STARD6: variants seen among roughly 807,000 people sequenced by gnomAD.
STARD6 encodes the protein stAR-related lipid transfer protein 6.
A neutral mutation model predicts 22.3 loss-of-function variants in STARD6; 21 were observed. That is an observed-to-expected ratio of 0.94 (90% CI 0.67 to 1.35). STARD6 has a LOEUF of 1.35. STARD6 is among the 40% of genes most tolerant of loss of function. STARD6 has a pLI of 0.00. For synonymous variants in STARD6, 80 were observed against 88.1 expected (o/e 0.91, Z 0.52); for missense variants, 269 against 266.9 (o/e 1.01, Z -0.05).
At chr18:54,339,979 A>T (rs781060327) in intron 4 of STARD6, among the ~76,000 whole-genome samples, 4 of 152,000 alleles carry the variant, frequency 2.6e-5, no homozygotes, top group East Asian at 1.9e-4. Flanking sequence ...ATATGTGAAT[A>T]AAAAAAATAA....
At chr18:54,338,540 G>T (rs76041866) in intron 4 of STARD6, among the ~76,000 whole-genome samples, 3,132 of 152,000 alleles carry the variant, frequency 0.021, 114 homozygotes, top group African/African-American at 0.072. Flanking sequence ...CCAAACAGAT[G>T]AACAAATGAC....
chr18:54,351,592 T>A (rs905952728), intron 4 of STARD6, among the ~76,000 whole-genome samples: 6 of 152,228 alleles, frequency 3.9e-5, no homozygotes, highest in African/African-American at 1.4e-4. Context: ...TTGTTATAGA[T>A]GGCTTTTACT....
chr18:54,351,899 GTTT>G (rs60888927), intron 4 of STARD6, among the ~76,000 whole-genome samples: 14,456 of 70,536 alleles, frequency 0.2, 976 homozygotes, highest in Middle Eastern at 0.29. Flanking sequence ...ATATTGGTCC[GTTT>G]TTTTTTTTTT....
intron 6 of STARD6, 52 bp from the exon 7 acceptor site, chr18:54,329,492 T>G (rs776848535): frequency 7.3e-7 from 1 of 1,379,222 alleles, no homozygotes; most frequent in Non-Finnish European, 1.0e-6. Context: ...GAGGAAAAAC[T>G]ATTTCCAGCA....
In STARD6 at chr18:54,337,276, T is replaced by C. The variant is rs761676641; in HGVS notation, c.141-25A>G. 6 of 1,600,620 alleles carry C rather than the reference T, an allele frequency of 3.7e-6. No individual in the cohort carries two copies. The Admixed American group carries it at 1.1e-4, about 28-fold the overall frequency. ...TCTACAGTTAACAAAATAAAGAAAATTCAAAGCTTAAAAAGTTTAGTCTAA... is the reference window on the plus strand; with the variant it reads ...TCTACAGTTAACAAAATAAAGAAAACTCAAAGCTTAAAAAGTTTAGTCTAA... On this transcript the variant is annotated intron_variant, in intron 4 of 7. Coordinates refer to ENST00000307844, the MANE Select transcript of STARD6 (RefSeq NM_139171.2).
intron 5 of STARD6, among the ~76,000 whole-genome samples, chr18:54,333,858 G>T (rs1156829893): frequency 6.6e-6 from 1 of 152,072 alleles, no homozygotes; most frequent in East Asian, 1.9e-4. Context: ...ATGCAGGTTG[G>T]AGACTTAAAG....
At chr18:54,343,566 G>A (rs2089003000) in intron 4 of STARD6, among the ~76,000 whole-genome samples, 1 of 50,296 alleles carries the variant, frequency 2.0e-5, no homozygotes, top group Non-Finnish European at 3.7e-5. Flanking sequence ...CCCTCCGCCC[G>A]GCCAGCCGCC....
intron 4 of STARD6, among the ~76,000 whole-genome samples, chr18:54,339,044 C>CAAAAAAAAAAAAAA (rs760501311): frequency 1.9e-4 from 2 of 10,414 alleles, no homozygotes; most frequent in Non-Finnish European, 2.3e-4. Flanking sequence ...GAGACTCCAT[C>CAAAAAAAAAAAAAA]AAAAAAAAAA....
intron 4 of STARD6, among the ~76,000 whole-genome samples, chr18:54,349,011 C>T (rs2089066342): frequency 6.6e-6 from 1 of 152,016 alleles, no homozygotes; most frequent in Non-Finnish European, 1.5e-5. Flanking sequence ...GTGAGAGACA[C>T]TGTTCTTGTG....
chr18:54,356,769 C>T (rs907968685), intron 1 of STARD6, among the ~76,000 whole-genome samples: 2 of 152,206 alleles, frequency 1.3e-5, no homozygotes, highest in African/African-American at 4.8e-5. Context: ...CCGACCAGGG[C>T]TCGTCTTAGC....
chr18:54,332,689 C>G (rs1440511801), intron 5 of STARD6, among the ~76,000 whole-genome samples: 2 of 152,168 alleles, frequency 1.3e-5, no homozygotes, highest in African/African-American at 2.4e-5. Context: ...TTGGCCATCC[C>G]CATAACCCTA....
At chr18:54,354,722 C>T in intron 2 of STARD6, 145 bp from the exon 3 acceptor site, 1 of 583,544 alleles carries the variant, frequency 1.7e-6, no homozygotes, top group Non-Finnish European at 3.0e-6. Flanking sequence ...TATGCATGAA[C>T]CCCTCTCTCC....
chr18:54,335,692 T>C (rs1242965773), intron 5 of STARD6, among the ~76,000 whole-genome samples: 2 of 152,100 alleles, frequency 1.3e-5, no homozygotes, highest in Non-Finnish European at 2.9e-5. Context: ...GACTTCCCAA[T>C]TGCTGTTCTC....
At position 54,337,197 on chromosome 18, in the gene STARD6, G is replaced by C. The variant is rs1171470915; in HGVS notation, c.195C>G (p.Leu65=). 6 of 1,613,348 alleles carry C rather than the reference G, an allele frequency of 3.7e-6. No homozygotes were observed. Among genetic ancestry groups the C allele is most frequent in the Non-Finnish European group, 3.4e-6 (4 of 1,179,526 alleles). The change falls in exon 5 of 8, where the codon CTC becomes CTG. Residue 65 remains leucine, a synonymous_variant. Coordinates refer to ENST00000307844, the MANE Select transcript of STARD6 (RefSeq NM_139171.2). The part of the protein sequence containing the change: ...PESPAKLSDF[L]YQTGDRITWD... The stretch of plus-strand genomic sequence containing the variant: ...ATGTAATTCTGTCTCCAGTTTGGTA[G>C]AGGAAATCAGATAGTTTAGCTGGTG...
chr18:54,341,245 G>A (rs929025674), intron 4 of STARD6, among the ~76,000 whole-genome samples: 1 of 152,136 alleles, frequency 6.6e-6, no homozygotes, highest in African/African-American at 2.4e-5. Flanking sequence ...ATTTTTAGTA[G>A]AGACGGGGTT....
chr18:54,329,624 T>C (rs536436329), intron 6 of STARD6, among the ~76,000 whole-genome samples, 184 bp from the exon 7 acceptor site: 12 of 152,192 alleles, frequency 7.9e-5, no homozygotes, highest in African/African-American at 2.9e-4. Context: ...ATCAACACTA[T>C]TGTCCTCTTG....
chr18:54,329,478 C>G, intron 6 of STARD6, 38 bp from the exon 7 acceptor site: 3 of 1,488,754 alleles, frequency 2.0e-6, no homozygotes, highest in East Asian at 2.3e-5. Flanking sequence ...AACCTATTCA[C>G]AAAGAGGAAA....
At chr18:54,354,002 A>G (rs375986342) in intron 4 of STARD6, 52 bp downstream of exon 4, 499 of 1,139,360 alleles carry the variant, frequency 4.4e-4, no homozygotes, top group Non-Finnish European at 5.6e-4. Flanking sequence ...TTCCAGATAC[A>G]TCAATGGCAT....
intron 4 of STARD6, among the ~76,000 whole-genome samples, chr18:54,337,708 A>C (rs1424249757): frequency 6.6e-6 from 1 of 152,234 alleles, no homozygotes; most frequent in Non-Finnish European, 1.5e-5. Flanking sequence ...TAAAGTATTT[A>C]CTGTCTGTCC....
Sources: allele counts gnomAD v4.1 joint callset (sites outside exome capture counted in the v4.1 genomes callset), GRCh38; gene constraint gnomAD v4.1.1; transcripts MANE v1.5; gene names NCBI Gene and HGNC (gene_info 2026-07-23, HGNC 2026-07-21).